Variants in NTN1 observed in about 807,000 individuals in gnomAD.
NTN1 encodes the protein netrin 1.
NTN1 carries 11 observed loss-of-function variants against 54.2 expected under a neutral mutation model. That is an observed-to-expected ratio of 0.20 (90% CI 0.13 to 0.34). The LOEUF is 0.34. Ranked by LOEUF, NTN1 falls within the 10% of genes least tolerant of loss-of-function variation. NTN1 has a pLI of 1.00. For synonymous variants in NTN1, 371 were observed against 382.0 expected, an observed-to-expected ratio of 0.97 and a Z score of 0.33; for missense variants, 740 against 893.1, an observed-to-expected ratio of 0.83 and a Z score of 2.18.
At chr17:9,093,294 C>A (rs2092119470) in intron 2 of NTN1, among the ~76,000 whole-genome samples, 1 of 152,232 alleles carries the variant, frequency 6.6e-6, no homozygotes, top group South Asian at 2.1e-4. Flanking sequence ...ATAGGTATTA[C>A]CCAAGCTTTG....
In NTN1 at chr17:9,081,671, C is replaced by T. The variant is rs148571986; in HGVS notation, c.1018+58280C>T. Among the ~76,000 whole-genome samples, 140 of 152,322 alleles carry T rather than the reference C, an allele frequency of 9.2e-4. 1 individual carries two copies. In the East Asian group the frequency reaches 0.017, roughly 18 times the overall value. The stretch of plus-strand genomic sequence containing the variant: ...GCTCTGGCCTCAGGTGGGCCTTTCT[C>T]AATATCTTCACTCCCGGGAAGAGGA... On this transcript the variant is annotated intron_variant, in intron 2 of 6. Transcript: ENST00000173229.
chr17:9,134,651 C>T (rs901864649), intron 2 of NTN1, among the ~76,000 whole-genome samples: 2 of 152,172 alleles, frequency 1.3e-5, no homozygotes, highest in Admixed American at 6.5e-5. Context: ...CTGCTCTGGG[C>T]GGCCCTGAGC....
intron 2 of NTN1, among the ~76,000 whole-genome samples, chr17:9,121,311 C>T (rs550946450): frequency 4.6e-5 from 7 of 152,226 alleles, no homozygotes; most frequent in East Asian, 3.9e-4. Context: ...CGTCCCCGGC[C>T]GCTCCCTCTC....
intron 6 of NTN1, among the ~76,000 whole-genome samples, chr17:9,222,698 TGG>T (rs1905401235): frequency 6.6e-6 from 1 of 152,092 alleles, no homozygotes; most frequent in Admixed American, 6.5e-5. Context: ...CCTGACCCCG[TGG>T]GGGTCCGGCA....
At chr17:9,053,198 A>G (rs1440867113) in intron 2 of NTN1, among the ~76,000 whole-genome samples, 1 of 152,232 alleles carries the variant, frequency 6.6e-6, no homozygotes, top group Non-Finnish European at 1.5e-5. Flanking sequence ...AGTTGTTGCA[A>G]CAGAGACCAT....
Position 9,165,579 on chromosome 17 carries a change from A to G in NTN1, c.1207+2578A>G, listed in dbSNP as rs1015040871. Among the ~76,000 whole-genome samples, 5 of 152,192 alleles carry G rather than the reference A, an allele frequency of 3.3e-5. No individual in the cohort carries two copies. Among genetic ancestry groups the G allele is most frequent in the African/African-American group, 4.8e-5 (2 of 41,454 alleles). On this transcript the variant is annotated intron_variant, in intron 3 of 6. Transcript: ENST00000173229. This position sits in a 1 kb window ranked among gnomAD's most constrained non-coding sequence, Gnocchi z 4.5. ...TGGGAGAATAACTCACAGGACGGGA[A>G]AACCTAAGGATGGATTCTACTCAGA...
At chr17:9,074,594 A>T (rs1218085304) in intron 2 of NTN1, among the ~76,000 whole-genome samples, 3 of 152,304 alleles carry the variant, frequency 2.0e-5, no homozygotes, top group South Asian at 4.1e-4. Context: ...TCTCCTGTCC[A>T]CTTTAGGAGC....
intron 5 of NTN1, among the ~76,000 whole-genome samples, chr17:9,203,045 C>T (rs1904851334): frequency 6.6e-6 from 1 of 152,180 alleles, no homozygotes; most frequent in Non-Finnish European, 1.5e-5. Flanking sequence ...CCTCAGCCTC[C>T]CGAGTAGCTG....
rs1906110974 is a variant in NTN1, at chr17:9,239,524, A to ACT, written c.1487-113_1487-112dup. The ACT allele has an allele frequency of 2.0e-6, 2 of 1,006,740 alleles. No individual in the cohort carries two copies. Among genetic ancestry groups the ACT allele is most frequent in the Non-Finnish European group, 2.9e-6 (2 of 680,420 alleles). The allele number at this position is 1,006,740 out of a possible 1,614,324, so 62.4% of individuals were successfully genotyped here. The stretch of plus-strand genomic sequence containing the variant: ...CCACCCACGCGCTCCTGTATGGGCC[A>ACT]CTCTGTGCAGTCACTTCCTGGGGCT... On this transcript the variant is annotated intron_variant, in intron 6 of 6. Transcript: ENST00000173229. The surrounding 1 kb of genome is among the most constrained non-coding windows in gnomAD (Gnocchi z 5.2).
At chr17:9,045,678 G>A (rs1361939702) in intron 2 of NTN1, among the ~76,000 whole-genome samples, 1 of 152,188 alleles carries the variant, frequency 6.6e-6, no homozygotes, top group Admixed American at 6.5e-5. Flanking sequence ...GGAGATGGGG[G>A]CAGGGAAGGA....
intron 3 of NTN1, 21 bp downstream of exon 3, chr17:9,163,022 C>A: frequency 6.5e-7 from 1 of 1,527,676 alleles, no homozygotes; most frequent in Non-Finnish European, 9.0e-7. Flanking sequence ...CGTGGCGGGG[C>A]GGGGGGCTGG....
intron 2 of NTN1, among the ~76,000 whole-genome samples, chr17:9,162,247 G>A (rs997426558): frequency 6.6e-6 from 1 of 152,214 alleles, no homozygotes; most frequent in Non-Finnish European, 1.5e-5. Context: ...GGCCTCAGTA[G>A]TTTGCTCAGC....
At chr17:9,012,539 A>G in the NTN1 span, among the ~76,000 whole-genome samples, 5 of 134,366 alleles carry the variant, frequency 3.7e-5, no homozygotes, top group South Asian at 1.3e-3. Flanking sequence ...AACAAAACAA[A>G]AAAAAAAAAA....
intron 6 of NTN1, among the ~76,000 whole-genome samples, chr17:9,222,039 C>T (rs1905374790): frequency 6.6e-6 from 1 of 152,262 alleles, no homozygotes; most frequent in South Asian, 2.1e-4. Context: ...CCCCCGCATA[C>T]AGCCAGGGCA....
intron 2 of NTN1, among the ~76,000 whole-genome samples, chr17:9,032,570 T>C (rs2091891253): frequency 6.6e-6 from 1 of 152,244 alleles, no homozygotes; most frequent in Non-Finnish European, 1.5e-5. Flanking sequence ...CTCAGTGCTC[T>C]GCTTACGTTT....
intron 2 of NTN1, among the ~76,000 whole-genome samples, chr17:9,120,254 C>T (rs972268051): frequency 2.5e-4 from 36 of 146,520 alleles, no homozygotes; most frequent in Admixed American, 1.7e-3. Flanking sequence ...CACTGCACTC[C>T]AGCCTGGGTG....
the NTN1 span, among the ~76,000 whole-genome samples, chr17:9,008,692 T>A: frequency 3.3e-5 from 5 of 152,334 alleles, no homozygotes; most frequent in African/African-American, 4.8e-5. Context: ...TATGGTTTTT[T>A]ACTCAATACT....
chr17:9,081,574 C>A (rs2092071304), intron 2 of NTN1, among the ~76,000 whole-genome samples: 1 of 152,220 alleles, frequency 6.6e-6, no homozygotes, highest in African/African-American at 2.4e-5. Context: ...CACCCGTCCA[C>A]ACATCCTGCC....
intron 2 of NTN1, among the ~76,000 whole-genome samples, chr17:9,092,715 A>G (rs1266384607): frequency 1.3e-5 from 2 of 150,820 alleles, no homozygotes; most frequent in Non-Finnish European, 2.9e-5. Flanking sequence ...TGCCTCAGCC[A>G]CCCATAGCTG....
Sources: allele counts gnomAD v4.1 joint callset (sites outside exome capture counted in the v4.1 genomes callset), GRCh38; gene constraint gnomAD v4.1.1; non-coding constraint Gnocchi (gnomAD v3.1); transcripts MANE v1.5; gene names NCBI Gene and HGNC (gene_info 2026-07-23, HGNC 2026-07-21).